The following GABRA5 variants were observed in gnomAD, a reference collection of about 807,000 sequenced individuals.
GABRA5 encodes the protein gamma-aminobutyric acid type A receptor subunit alpha5.
In GABRA5, 18 loss-of-function variants were observed where a neutral mutation model predicts 47.3. The observed-to-expected ratio is 0.38, with a 90% CI of 0.26 to 0.56. GABRA5 has a LOEUF of 0.56. Ranked by LOEUF, GABRA5 falls within the 20% of genes least tolerant of loss-of-function variation. The pLI is 0.71. For missense variants in GABRA5, 365 were observed against 599.3 expected (o/e 0.61, Z 4.08); for synonymous variants, 237 against 229.3 (o/e 1.03, Z -0.30).
chr15:26,881,912 C>A (rs931429022), intron 4 of GABRA5, among the ~76,000 whole-genome samples: 3 of 152,160 alleles, frequency 2.0e-5, no homozygotes, highest in African/African-American at 7.2e-5. Context: ...GTTGGCCAGG[C>A]TGGTCTTAAA....
chr15:26,879,474 A>G (rs1272565582), intron 3 of GABRA5, among the ~76,000 whole-genome samples: 1 of 152,216 alleles, frequency 6.6e-6, no homozygotes, highest in Non-Finnish European at 1.5e-5. Context: ...CAGAGTTAAA[A>G]AAGTATACAT....
intron 7 of GABRA5, among the ~76,000 whole-genome samples, chr15:26,934,498 G>C (rs1383489186): frequency 6.6e-6 from 1 of 152,140 alleles, no homozygotes; most frequent in Non-Finnish European, 1.5e-5. Flanking sequence ...AATTAAAGTA[G>C]AAAGACCTTT....
chr15:26,912,523 T>G (rs1893620797), intron 6 of GABRA5, among the ~76,000 whole-genome samples: 1 of 152,240 alleles, frequency 6.6e-6, no homozygotes, highest in South Asian at 2.1e-4. Flanking sequence ...ATAACAGCCC[T>G]TTTTCATAAT....
At chr15:26,885,124 G>A (rs567212105) in intron 6 of GABRA5, among the ~76,000 whole-genome samples, 8 of 151,798 alleles carry the variant, frequency 5.3e-5, no homozygotes, top group South Asian at 2.1e-4. Context: ...GTGAAACCCC[G>A]TCTCTACTAA....
intron 7 of GABRA5, among the ~76,000 whole-genome samples, chr15:26,933,969 T>C (rs2100042623): frequency 6.6e-6 from 1 of 152,162 alleles, no homozygotes; most frequent in Admixed American, 6.5e-5. Flanking sequence ...GGTCTTGTGC[T>C]GCTGTTACTC....
Position 26,883,440 on chromosome 15 carries a change from A to T in GABRA5, c.380A>T (p.Lys127Met). The change falls in exon 6 of 11, where the codon AAG (lysine) becomes ATG (methionine). Residue 127 changes from lysine to methionine, a missense_variant. Coordinates refer to ENST00000335625, the MANE Select transcript of GABRA5 (RefSeq NM_000810.4). This position sits in a 1 kb window ranked among gnomAD's most constrained non-coding sequence, Gnocchi z 4.8. ...RLPLNNLLAS[K>M]IWTPDTFFHN... ...CCTCTCAACAACCTCCTTGCCAGCAAGATCTGGACCCCAGACACGTTCTTC... is the reference window on the plus strand; with the variant it reads ...CCTCTCAACAACCTCCTTGCCAGCATGATCTGGACCCCAGACACGTTCTTC... 1 of 1,614,172 alleles carries T rather than the reference A, an allele frequency of 6.2e-7. No homozygotes were observed. Among genetic ancestry groups the T allele is most frequent in the Non-Finnish European group, 8.5e-7 (1 of 1,180,006 alleles).
At chr15:26,906,317 A>C (rs2140284863) in intron 6 of GABRA5, among the ~76,000 whole-genome samples, 1 of 152,344 alleles carries the variant, frequency 6.6e-6, no homozygotes, top group South Asian at 2.1e-4. Context: ...AAACAATAAA[A>C]GCCTCTCTCA....
intron 7 of GABRA5, among the ~76,000 whole-genome samples, chr15:26,924,225 TC>T (rs1258327831): frequency 6.8e-6 from 1 of 146,246 alleles, no homozygotes; most frequent in Admixed American, 7.3e-5. Context: ...TACCACTGGG[TC>T]AGGGTAGAAA....
In GABRA5 at chr15:26,946,360, G is replaced by T. The variant is rs74006537; in HGVS notation, c.1090-1574G>T. Among the ~76,000 whole-genome samples the T allele has an allele frequency of 5.2e-3, 792 of 151,510 alleles. 10 individuals carry two copies. Among genetic ancestry groups the T allele is most frequent in the African/African-American group, 0.019 (768 of 41,274 alleles). On this transcript the variant is annotated intron_variant, in intron 10 of 10. Coordinates refer to ENST00000335625, the MANE Select transcript of GABRA5 (RefSeq NM_000810.4). ...AAACCTGTCTGCTGTTAACACTTAC[G>T]TATGCCTGTGTCCTCACCACCTGTC...
chr15:26,874,394 T>C (rs1892544220), intron 3 of GABRA5, among the ~76,000 whole-genome samples: 1 of 152,136 alleles, frequency 6.6e-6, no homozygotes, highest in Non-Finnish European at 1.5e-5. Flanking sequence ...TGTTAGAGCT[T>C]AGAGAAGTGT....
chr15:26,910,793 T>G (rs1169581453), intron 6 of GABRA5, among the ~76,000 whole-genome samples: 4 of 152,154 alleles, frequency 2.6e-5, no homozygotes, highest in Non-Finnish European at 4.4e-5. Context: ...GTCAAGTTTC[T>G]TAACCTTTTG....
intron 6 of GABRA5, among the ~76,000 whole-genome samples, chr15:26,902,483 A>G (rs1026155153): frequency 6.6e-6 from 1 of 152,142 alleles, no homozygotes; most frequent in Admixed American, 6.6e-5. Flanking sequence ...TTGACCTTGT[A>G]TCAGCAAGCT....
At chr15:26,875,074 G>C (rs1382903274) in intron 3 of GABRA5, among the ~76,000 whole-genome samples, 2 of 152,218 alleles carry the variant, frequency 1.3e-5, no homozygotes, top group Admixed American at 1.3e-4. Flanking sequence ...TTAATCATGG[G>C]TCCAGGATCA....
At chr15:26,892,927 T>C (rs541565104) in intron 6 of GABRA5, among the ~76,000 whole-genome samples, 210 of 151,764 alleles carry the variant, frequency 1.4e-3, no homozygotes, top group African/African-American at 4.9e-3. Context: ...GCGTGATGTG[T>C]GTATGGATGC....
chr15:26,947,712 C>G (rs1269333527), intron 10 of GABRA5, among the ~76,000 whole-genome samples: 1 of 152,084 alleles, frequency 6.6e-6, no homozygotes, highest in Non-Finnish European at 1.5e-5. Flanking sequence ...ATCCGTATTC[C>G]TCTGGGAATG....
chr15:26,925,832 T>C (rs1211046495), intron 7 of GABRA5, among the ~76,000 whole-genome samples: 2 of 152,232 alleles, frequency 1.3e-5, no homozygotes, highest in African/African-American at 2.4e-5. Context: ...GAGTGTGAAC[T>C]CCCAGTTCTG....
At chr15:26,904,058 G>A (rs773412767) in intron 6 of GABRA5, among the ~76,000 whole-genome samples, 5 of 151,924 alleles carry the variant, frequency 3.3e-5, no homozygotes, top group Admixed American at 6.6e-5. Flanking sequence ...TGACTAGAAT[G>A]GTATTGCCTA....
chr15:26,889,821 C>T (rs1179397503), intron 6 of GABRA5, among the ~76,000 whole-genome samples: 1 of 152,106 alleles, frequency 6.6e-6, no homozygotes, highest in East Asian at 1.9e-4. Context: ...AACACCAAGA[C>T]CAAAGAGAAT....
chr15:26,925,766 GTTAAAT>G (rs1012984915), intron 7 of GABRA5, among the ~76,000 whole-genome samples: 14 of 152,094 alleles, frequency 9.2e-5, no homozygotes, highest in Non-Finnish European at 1.8e-4. Flanking sequence ...TCTGGATTCT[GTTAAAT>G]TTAAAGTGTT....
Sources: allele counts gnomAD v4.1 joint callset (sites outside exome capture counted in the v4.1 genomes callset), GRCh38; gene constraint gnomAD v4.1.1; non-coding constraint Gnocchi (gnomAD v3.1); transcripts MANE v1.5; gene names NCBI Gene and HGNC (gene_info 2026-07-23, HGNC 2026-07-21).